Variants in TBC1D22A observed in about 807,000 individuals in gnomAD.
TBC1D22A encodes putative GTPase activator.
Under a neutral mutation model 60.2 loss-of-function variants are expected in TBC1D22A, and 38 were observed. That is an observed-to-expected ratio of 0.63 (90% CI 0.49 to 0.83). The LOEUF is 0.83. TBC1D22A is among the 40% of genes least tolerant of loss of function. The pLI is 0.00. For synonymous variants in TBC1D22A, 302 were observed against 281.7 expected (o/e 1.07, Z -0.72); for missense variants, 628 against 701.0 (o/e 0.90, Z 1.18).
intron 12 of TBC1D22A, among the ~76,000 whole-genome samples, chr22:47,127,348 C>T (rs2066497329): frequency 6.6e-6 from 1 of 151,724 alleles, no homozygotes; most frequent in South Asian, 2.1e-4. Context: ...CTGCCTCAGC[C>T]CCACGAGTAG....
At chr22:46,913,116 C>T (rs1195927511) in intron 8 of TBC1D22A, among the ~76,000 whole-genome samples, 1 of 152,158 alleles carries the variant, frequency 6.6e-6, no homozygotes, top group African/African-American at 2.4e-5. Context: ...TCACAGTCAA[C>T]TGTAATGTAA....
chr22:46,804,619 C>T (rs566287019), intron 4 of TBC1D22A, among the ~76,000 whole-genome samples: 6 of 152,220 alleles, frequency 3.9e-5, no homozygotes, highest in South Asian at 2.1e-4. Context: ...GTTCCCTGCT[C>T]GATGTGGTAT....
At chr22:47,033,627 A>G (rs962258486) in intron 10 of TBC1D22A, among the ~76,000 whole-genome samples, 5 of 152,194 alleles carry the variant, frequency 3.3e-5, no homozygotes, top group Admixed American at 3.3e-4. Flanking sequence ...AGGTGTGTAT[A>G]GAACGAAGAA....
intron 10 of TBC1D22A, among the ~76,000 whole-genome samples, chr22:46,999,001 GA>G: frequency 6.6e-6 from 1 of 152,332 alleles, no homozygotes; most frequent in East Asian, 1.9e-4. Context: ...CAGTAGATGT[GA>G]ATTACACGTT....
At chr22:46,771,299 C>G (rs564723019) in intron 1 of TBC1D22A, among the ~76,000 whole-genome samples, 1 of 152,092 alleles carries the variant, frequency 6.6e-6, no homozygotes, top group African/African-American at 2.4e-5. Context: ...AACAAGTCTT[C>G]GGAGACCACT....
At chr22:47,165,515 G>A (rs140734699) in intron 12 of TBC1D22A, among the ~76,000 whole-genome samples, 218 of 152,260 alleles carry the variant, frequency 1.4e-3, no homozygotes, top group African/African-American at 4.9e-3. Context: ...AGCCTGCTGG[G>A]CTCTGGAGCA....
chr22:46,968,385 G>A (rs375325328), intron 8 of TBC1D22A, among the ~76,000 whole-genome samples: 5 of 152,390 alleles, frequency 3.3e-5, no homozygotes, highest in African/African-American at 7.2e-5. Context: ...GACCCCACAG[G>A]GGGCTTTTGG....
At chr22:46,794,778 C>T (rs557095913) in intron 3 of TBC1D22A, among the ~76,000 whole-genome samples, 1 of 152,002 alleles carries the variant, frequency 6.6e-6, no homozygotes, top group Admixed American at 6.6e-5. Flanking sequence ...ACGGGGAGGT[C>T]AGGGTGTCTT....
intron 8 of TBC1D22A, among the ~76,000 whole-genome samples, chr22:46,937,620 A>G (rs2071735842): frequency 6.6e-6 from 1 of 152,240 alleles, no homozygotes. Context: ...TAACTGTAAA[A>G]CAGCCTCAGG....
At chr22:46,868,386 T>C (rs797021252) in intron 4 of TBC1D22A, among the ~76,000 whole-genome samples, 14 of 152,308 alleles carry the variant, frequency 9.2e-5, no homozygotes, top group African/African-American at 3.4e-4. Context: ...GTAAGGTATA[T>C]ATGAACCATA....
At chr22:47,004,444 C>A (rs1398674546) in intron 10 of TBC1D22A, among the ~76,000 whole-genome samples, 1 of 150,870 alleles carries the variant, frequency 6.6e-6, no homozygotes, top group African/African-American at 2.4e-5. Flanking sequence ...TACACATACC[C>A]CTATATACAC....
intron 10 of TBC1D22A, among the ~76,000 whole-genome samples, chr22:47,029,242 CAG>C (rs1340367578): frequency 6.8e-6 from 1 of 146,994 alleles, no homozygotes; most frequent in African/African-American, 2.5e-5. Context: ...CCCAGGGACA[CAG>C]CGCTTCCATA....
rs145326019 is a variant in TBC1D22A, at chr22:47,118,107, A to G, written c.1425+6504A>G. 8.6e-3 allele frequency among the ~76,000 whole-genome samples: 1,311 copies of G among 152,198 alleles called. 23 individuals are homozygous for G. The highest frequency in any genetic ancestry group is 0.03 in the African/African-American group (1,227 of 41,478). On this transcript the variant is annotated intron_variant, in intron 12 of 12. Transcript: ENST00000337137. ...CACTGCACTCCAGCCGGGGCGACAG[A>G]GTGAGACTCCGTCTCAAAAAAAATA...
Position 47,118,576 on chromosome 22 carries a change from T to C in TBC1D22A, c.1425+6973T>C, listed in dbSNP as rs5767510. 3.6e-3 allele frequency among the ~76,000 whole-genome samples: 551 copies of C among 152,004 alleles called. 27 individuals are homozygous for C. The East Asian group carries it at 0.094, about 26-fold the overall frequency. ...AAGCCTTTAACCAAGAAGTTAAAAATAGAAAAATAAAGACAACTTATGATA... is the reference window on the plus strand; with the variant it reads ...AAGCCTTTAACCAAGAAGTTAAAAACAGAAAAATAAAGACAACTTATGATA... On this transcript the variant is annotated intron_variant, in intron 12 of 12. Transcript: ENST00000337137.
At chr22:47,067,243 G>T (rs574412079) in intron 11 of TBC1D22A, among the ~76,000 whole-genome samples, 1 of 152,210 alleles carries the variant, frequency 6.6e-6, no homozygotes, top group Admixed American at 6.5e-5. Flanking sequence ...TCCAGCCTGG[G>T]CAACAGAGTG....
intron 7 of TBC1D22A, among the ~76,000 whole-genome samples, chr22:46,911,141 C>T (rs550262045): frequency 6.6e-6 from 1 of 152,162 alleles, no homozygotes; most frequent in African/African-American, 2.4e-5. Context: ...TAATGAAACC[C>T]TCCTTATGAG....
chr22:46,790,043 C>T (rs1471142261), intron 1 of TBC1D22A, among the ~76,000 whole-genome samples: 1 of 152,262 alleles, frequency 6.6e-6, no homozygotes, highest in Admixed American at 6.5e-5. Context: ...ACTGCTCTAG[C>T]AAATCATCAC....
At chr22:46,832,575 G>A (rs573104040) in intron 4 of TBC1D22A, among the ~76,000 whole-genome samples, 2 of 152,296 alleles carry the variant, frequency 1.3e-5, no homozygotes, top group African/African-American at 4.8e-5. Flanking sequence ...GAAACAGAAA[G>A]GCAGAGGTTG....
intron 11 of TBC1D22A, among the ~76,000 whole-genome samples, chr22:47,101,258 C>T (rs1222840083): frequency 6.6e-6 from 1 of 152,228 alleles, no homozygotes; most frequent in South Asian, 2.1e-4. Context: ...TAAATGACAC[C>T]TGAGTGTTTC....
Sources: gnomAD v4.1 joint callset for allele counts (sites outside exome capture counted in the v4.1 genomes callset) on GRCh38, gnomAD v4.1.1 for gene constraint, MANE v1.5 for transcripts, NCBI Gene and HGNC (gene_info 2026-07-23, HGNC 2026-07-21) for gene names.